LRRC37A2: variants seen among roughly 807,000 people sequenced by gnomAD.
LRRC37A2 encodes the protein leucine rich repeat containing 37 member A2, also known as leucine-rich repeat-containing protein 37A2.
A neutral mutation model predicts 68.8 loss-of-function variants in LRRC37A2; 9 were observed. The observed-to-expected ratio is 0.13, with a 90% CI of 0.08 to 0.23. LRRC37A2 has a LOEUF of 0.23. Ranked by LOEUF, LRRC37A2 falls within the 10% of genes least tolerant of loss-of-function variation. LRRC37A2 has a pLI of 1.00. For synonymous variants in LRRC37A2, 63 were observed against 367.6 expected (o/e 0.17, Z 9.48); for missense variants, 168 against 950.4 (o/e 0.18, Z 10.82).
At chr17:46,931,291 C>T in the LRRC37A2 span, 1 of 782,816 alleles carries the variant, frequency 1.3e-6, no homozygotes, top group Non-Finnish European at 2.3e-6. Context: ...ATAGAATATT[C>T]TGAAAACCAA....
chr17:46,533,333 C>T (rs1598398227), intron 6 of LRRC37A2, among the ~76,000 whole-genome samples: 1 of 82,476 alleles, frequency 1.2e-5, no homozygotes, highest in East Asian at 3.4e-4. Flanking sequence ...CGTTGTAGTT[C>T]AGATTAATTC....
At chr17:46,923,191 A>T in the LRRC37A2 span, 1 of 1,544,736 alleles carries the variant, frequency 6.5e-7, no homozygotes, top group Non-Finnish European at 8.8e-7. Flanking sequence ...GGGGCCGGCG[A>T]CATGGATCCC....
the LRRC37A2 span, chr17:46,931,215 C>G: frequency 8.3e-7 from 1 of 1,210,180 alleles, no homozygotes. Context: ...ACTGTAAGTG[C>G]TGACCTCTGA....
chr17:46,941,809 C>T, the LRRC37A2 span: 1 of 302,670 alleles, frequency 3.3e-6, no homozygotes, highest in Non-Finnish European at 4.8e-6. Flanking sequence ...TGGTCTTAAA[C>T]TCCTGGCCTC....
At chr17:46,732,846 C>CG in the LRRC37A2 span, among the ~76,000 whole-genome samples, 8 of 152,044 alleles carry the variant, frequency 5.3e-5, no homozygotes, top group South Asian at 2.1e-4. Context: ...GGAGCCAAGC[C>CG]GGAAAAAAGG....
the LRRC37A2 span, chr17:46,851,439 G>A: frequency 2.0e-5 from 5 of 246,244 alleles, no homozygotes; most frequent in Non-Finnish European, 3.9e-5. This position sits in a 1 kb window ranked among gnomAD's most constrained non-coding sequence, Gnocchi z 4.3. Context: ...TGCCCCACCC[G>A]CGACGGGGCG....
At chr17:46,970,615 C>T in the LRRC37A2 span, among the ~76,000 whole-genome samples, 2 of 151,352 alleles carry the variant, frequency 1.3e-5, no homozygotes, top group African/African-American at 2.4e-5. Context: ...CACAATCAGT[C>T]GTCAGCTGAG....
At chr17:46,933,249 A>G in the LRRC37A2 span, 2 of 152,390 alleles carry the variant, frequency 1.3e-5, no homozygotes, top group South Asian at 2.1e-4. Context: ...CTTAATAAAC[A>G]TTGACTTGCC....
chr17:46,897,412 T>G, the LRRC37A2 span, among the ~76,000 whole-genome samples: 1 of 152,222 alleles, frequency 6.6e-6, no homozygotes, highest in Non-Finnish European at 1.5e-5. Context: ...GTTGTTGACA[T>G]CTGGAACCAC....
chr17:46,937,393 T>C, the LRRC37A2 span: 1 of 152,254 alleles, frequency 6.6e-6, no homozygotes, highest in East Asian at 1.9e-4. Flanking sequence ...TTTTTTGATG[T>C]TGCCTTCTTT....
the LRRC37A2 span, among the ~76,000 whole-genome samples, chr17:46,752,437 G>A: frequency 6.6e-6 from 1 of 152,044 alleles, no homozygotes; most frequent in Non-Finnish European, 1.5e-5. Context: ...ACATATGAAG[G>A]TGCTCAGTAA....
At chr17:46,993,084 T>C in the LRRC37A2 span, among the ~76,000 whole-genome samples, 106,071 of 151,356 alleles carry the variant, frequency 0.7, 37,810 homozygotes, top group Middle Eastern at 0.78. Flanking sequence ...TTTTTTTTTT[T>C]TTTTTGCTTA....
chr17:46,839,225 A>G, the LRRC37A2 span, among the ~76,000 whole-genome samples: 2 of 152,172 alleles, frequency 1.3e-5, no homozygotes, highest in Non-Finnish European at 2.9e-5. Flanking sequence ...GATGATTGTT[A>G]TGTTTATGGA....
the LRRC37A2 span, chr17:46,726,737 C>T: frequency 2.3e-6 from 2 of 871,940 alleles, no homozygotes; most frequent in African/African-American, 3.3e-5. Flanking sequence ...CTTTCTTTGT[C>T]TTACAAGGAA....
chr17:46,727,151 A>G, the LRRC37A2 span, among the ~76,000 whole-genome samples: 1 of 152,206 alleles, frequency 6.6e-6, no homozygotes, highest in African/African-American at 2.4e-5. Context: ...TAAATCTTGA[A>G]AAAATTTTGT....
the LRRC37A2 span, among the ~76,000 whole-genome samples, chr17:46,959,850 G>C: frequency 2.0e-5 from 3 of 152,286 alleles, no homozygotes; most frequent in East Asian, 5.8e-4. Context: ...CACTGGAGCT[G>C]ACTTTCTTCC....
chr17:46,543,502 G>A (rs1419396282), intron 8 of LRRC37A2, among the ~76,000 whole-genome samples: 10 of 150,864 alleles, frequency 6.6e-5, no homozygotes, highest in South Asian at 2.1e-4. Flanking sequence ...TATACGGACC[G>A]CATAGTAGAC....
chr17:46,829,910 T>C, the LRRC37A2 span, among the ~76,000 whole-genome samples: 1 of 152,114 alleles, frequency 6.6e-6, no homozygotes, highest in South Asian at 2.1e-4. Flanking sequence ...GGCCGTTTCT[T>C]ATCTGGCAAA....
At chr17:46,489,936 G>A in the LRRC37A2 span, among the ~76,000 whole-genome samples, 1 of 151,064 alleles carries the variant, frequency 6.6e-6, no homozygotes, top group African/African-American at 2.5e-5. Context: ...GAGACCCTGA[G>A]GTTTACCTCC....
Sources: gnomAD v4.1 joint callset for allele counts (sites outside exome capture counted in the v4.1 genomes callset) on GRCh38, gnomAD v4.1.1 for gene constraint, Gnocchi (gnomAD v3.1) non-coding constraint, MANE v1.5 for transcripts, NCBI Gene and HGNC (gene_info 2026-07-23, HGNC 2026-07-21) for gene names.